The following LOC400499 variants were observed in gnomAD, a reference collection of about 807,000 sequenced individuals.
chr16:11,472,925 C>A, the LOC400499 span: 1 of 151,970 alleles, frequency 6.6e-6, no homozygotes, highest in Non-Finnish European at 1.5e-5. Flanking sequence ...GTCAAGAGTA[C>A]AAGACTAGCC....
At chr16:11,500,782 CGGGTGGGGTGCA>C in the LOC400499 span, 1 of 398,952 alleles carries the variant, frequency 2.5e-6, no homozygotes, top group Non-Finnish European at 4.4e-6. Context: ...ACCGGGGCCC[CGGGTGGGGTGCA>C]GGGACTCACC....
At chr16:11,402,136 G>T in the LOC400499 span, 1 of 399,096 alleles carries the variant, frequency 2.5e-6, no homozygotes, top group Non-Finnish European at 4.4e-6. Context: ...GCAGGGGGAG[G>T]GGCAGCGGGT....
the LOC400499 span, among the ~76,000 whole-genome samples, chr16:11,494,921 C>G: frequency 1.3e-5 from 2 of 152,134 alleles, no homozygotes; most frequent in South Asian, 2.1e-4. Context: ...TTAAAAGCAC[C>G]CCAGAGGCCA....
At chr16:11,460,397 G>T in the LOC400499 span, 1 of 1,388,184 alleles carries the variant, frequency 7.2e-7, no homozygotes, top group Non-Finnish European at 9.5e-7. Flanking sequence ...TCTCTTTGGG[G>T]ATGAGTTCAG....
chr16:11,518,702 C>A, the LOC400499 span, among the ~76,000 whole-genome samples: 1 of 152,176 alleles, frequency 6.6e-6, no homozygotes, highest in Non-Finnish European at 1.5e-5. Flanking sequence ...CGGTGCTTGA[C>A]AAGGTCAAAA....
At chr16:11,439,705 C>A in the LOC400499 span, 3 of 395,842 alleles carry the variant, frequency 7.6e-6, no homozygotes, top group East Asian at 3.6e-5. Context: ...AAACTTCTGT[C>A]CTCCCTTAAT....
At chr16:11,492,289 T>A in the LOC400499 span, among the ~76,000 whole-genome samples, 1 of 27,956 alleles carries the variant, frequency 3.6e-5, no homozygotes, top group South Asian at 1.1e-3. Context: ...CACCCATCTA[T>A]CCATTCACCC....
chr16:11,438,814 G>T, the LOC400499 span, among the ~76,000 whole-genome samples: 1 of 151,962 alleles, frequency 6.6e-6, no homozygotes, highest in East Asian at 1.9e-4. Flanking sequence ...ATGCTATCGG[G>T]CTAGGTGCGG....
At chr16:11,491,936 G>A in the LOC400499 span, 1 of 396,286 alleles carries the variant, frequency 2.5e-6, no homozygotes, top group African/African-American at 2.1e-5. Context: ...TGGACCTGCT[G>A]CCTAGCCCCA....
the LOC400499 span, among the ~76,000 whole-genome samples, chr16:11,373,040 C>T: frequency 1.3e-5 from 2 of 152,196 alleles, no homozygotes; most frequent in Non-Finnish European, 2.9e-5. Flanking sequence ...CTGCCAGCAC[C>T]CTCGACACAG....
the LOC400499 span, chr16:11,450,599 C>T: frequency 6.5e-7 from 1 of 1,535,548 alleles, no homozygotes; most frequent in South Asian, 1.2e-5. Context: ...GGGGGCCGAG[C>T]ACTGCTCACC....
At chr16:11,384,126 C>G in the LOC400499 span, 1 of 1,218,264 alleles carries the variant, frequency 8.2e-7, no homozygotes, top group African/African-American at 1.6e-5. Flanking sequence ...TCTGCAGAGC[C>G]ATCAGGCCGC....
the LOC400499 span, among the ~76,000 whole-genome samples, chr16:11,429,980 AC>A: frequency 6.6e-6 from 1 of 152,330 alleles, no homozygotes; most frequent in South Asian, 2.1e-4. Context: ...TAAAAGCTTT[AC>A]AGCCAAGAAA....
At chr16:11,419,251 G>A in the LOC400499 span, among the ~76,000 whole-genome samples, 12 of 151,962 alleles carry the variant, frequency 7.9e-5, no homozygotes, top group South Asian at 2.1e-4. Context: ...CCAAAACAGA[G>A]ATATAGATCA....
the LOC400499 span, among the ~76,000 whole-genome samples, chr16:11,474,755 G>C: frequency 3.3e-5 from 5 of 152,004 alleles, no homozygotes; most frequent in African/African-American, 9.7e-5. Flanking sequence ...TGTAGTCCCA[G>C]CTACTCAGGA....
the LOC400499 span, chr16:11,435,655 C>T: frequency 5.0e-6 from 2 of 399,398 alleles, no homozygotes; most frequent in Non-Finnish European, 8.8e-6. Flanking sequence ...CACCTGGGGA[C>T]CATTACCTTG....
At chr16:11,500,810 C>T in the LOC400499 span, 1 of 399,088 alleles carries the variant, frequency 2.5e-6, no homozygotes, top group South Asian at 1.3e-4. Flanking sequence ...TCACCAGCAG[C>T]ATGTGGACCA....
chr16:11,493,247 C>T, the LOC400499 span, among the ~76,000 whole-genome samples: 4 of 152,166 alleles, frequency 2.6e-5, no homozygotes, highest in South Asian at 2.1e-4. Flanking sequence ...GCAGGCCATG[C>T]GGTCTCTTGC....
the LOC400499 span, chr16:11,385,196 G>C: frequency 8.1e-7 from 1 of 1,231,856 alleles, no homozygotes; most frequent in South Asian, 4.1e-5. Flanking sequence ...AGGCTGCCAT[G>C]CCTCTCCTGC....
Sources: allele counts gnomAD v4.1 joint callset (sites outside exome capture counted in the v4.1 genomes callset), GRCh38; gene constraint gnomAD v4.1.1; transcripts MANE v1.5.